Variants in TPTE observed in about 807,000 individuals in gnomAD.
The protein encoded by TPTE is transmembrane phosphatase with tensin homology.
TPTE carries 59 observed loss-of-function variants against 84.1 expected under a neutral mutation model. The ratio of observed to expected loss-of-function variants is 0.70; its 90% CI spans 0.57 to 0.87. TPTE has a LOEUF of 0.87. Ranked by LOEUF, TPTE falls within the 40% of genes least tolerant of loss-of-function variation. The pLI, the probability that TPTE is intolerant of heterozygous loss-of-function variation, is 0.00. For synonymous variants in TPTE, 130 were observed against 223.5 expected, an observed-to-expected ratio of 0.58 and a Z score of 3.73; for missense variants, 382 against 659.6, an observed-to-expected ratio of 0.58 and a Z score of 4.61.
At chr21:10,566,436 G>T (rs2074922891) in intron 10 of TPTE, among the ~76,000 whole-genome samples, 1 of 152,304 alleles carries the variant, frequency 6.6e-6, no homozygotes, top group African/African-American at 2.4e-5. Flanking sequence ...ACCAATTGGA[G>T]AACAGTTTGG....
chr21:10,546,575 C>T (rs943050749), intron 7 of TPTE, among the ~76,000 whole-genome samples: 7 of 152,306 alleles, frequency 4.6e-5, no homozygotes, highest in Admixed American at 2.0e-4. Context: ...CAAAACAAAA[C>T]AGAAAAGTCA....
rs1221084875 is a variant in TPTE, at chr21:10,603,613, TC to T, written c.1502del (p.Ser501PhefsTer41). ...CTCATTTTACTTCTGGTTGCACACA[TC>T]TTTTATTGAAAATAACAGGTATGAA... ...NCSFYFWLHT[S>X]FIENNRLYLP... On this transcript the variant is annotated frameshift_variant, in exon 23 of 24. Transcript: ENST00000618007. LOFTEE classifies it high-confidence loss of function. The T allele has an allele frequency of 4.3e-6, 7 of 1,612,282 alleles. No homozygotes were observed. The highest frequency in any genetic ancestry group is 1.6e-4 in the Middle Eastern group (1 of 6,066).
chr21:10,585,711 G>A (rs546372425), intron 17 of TPTE, among the ~76,000 whole-genome samples: 5 of 152,416 alleles, frequency 3.3e-5, no homozygotes, highest in Non-Finnish European at 5.9e-5. Flanking sequence ...ACCAGTGAAC[G>A]CACATTGGCC....
chr21:10,540,184 C>G (rs1396068727), intron 4 of TPTE, among the ~76,000 whole-genome samples: 1 of 152,308 alleles, frequency 6.6e-6, no homozygotes, highest in East Asian at 1.9e-4. Context: ...AGTAGGCTGG[C>G]CAATGCACCA....
At chr21:10,544,347 A>G (rs1253512492) in intron 7 of TPTE, among the ~76,000 whole-genome samples, 2 of 152,310 alleles carry the variant, frequency 1.3e-5, no homozygotes, top group East Asian at 3.8e-4. Flanking sequence ...AATTTATTTT[A>G]TAGGACGTTG....
intron 8 of TPTE, among the ~76,000 whole-genome samples, chr21:10,554,824 G>A (rs1006800255): frequency 6.6e-6 from 1 of 152,312 alleles, no homozygotes; most frequent in African/African-American, 2.4e-5. Context: ...GGTATAAAGT[G>A]TAGAAATTTA....
intron 10 of TPTE, among the ~76,000 whole-genome samples, chr21:10,564,241 G>A (rs574253472): frequency 9.8e-5 from 15 of 152,422 alleles, no homozygotes; most frequent in Admixed American, 4.6e-4. Flanking sequence ...TGGAAGTGGT[G>A]GCTCACTCCC....
intron 9 of TPTE, among the ~76,000 whole-genome samples, 175 bp downstream of exon 9, chr21:10,559,719 C>A (rs1181996685): frequency 9.8e-5 from 15 of 152,378 alleles, no homozygotes; most frequent in Non-Finnish European, 1.3e-4. Context: ...ACTAAAAATA[C>A]AAAAATTAGC....
At chr21:10,540,906 G>C (rs1385568274) in intron 4 of TPTE, among the ~76,000 whole-genome samples, 1 of 152,302 alleles carries the variant, frequency 6.6e-6, no homozygotes, top group East Asian at 1.9e-4. Flanking sequence ...CATCGCTATG[G>C]TCACAGCCTA....
intron 10 of TPTE, among the ~76,000 whole-genome samples, chr21:10,562,188 T>C (rs2074820693): frequency 2.0e-5 from 3 of 152,308 alleles, no homozygotes; most frequent in Non-Finnish European, 4.4e-5. Context: ...AGGCTTGGGG[T>C]GCCCCCTAAA....
At chr21:10,591,128 C>T (rs1314340501) in intron 18 of TPTE, among the ~76,000 whole-genome samples, 3 of 152,296 alleles carry the variant, frequency 2.0e-5, no homozygotes, top group Non-Finnish European at 2.9e-5. Flanking sequence ...AAAGCCTCTC[C>T]TGAATGTAAA....
At chr21:10,584,138 C>G (rs2075318979) in intron 17 of TPTE, among the ~76,000 whole-genome samples, 1 of 152,308 alleles carries the variant, frequency 6.6e-6, no homozygotes, top group Admixed American at 6.5e-5. Context: ...GTTAGGTCCT[C>G]TTCAATTTCT....
At chr21:10,545,762 G>A (rs1330327680) in intron 7 of TPTE, among the ~76,000 whole-genome samples, 1 of 151,662 alleles carries the variant, frequency 6.6e-6, no homozygotes, top group Non-Finnish European at 1.5e-5. Flanking sequence ...TATAGATATA[G>A]ATACACATAT....
At chr21:10,545,693 A>G (rs1168749779) in intron 7 of TPTE, among the ~76,000 whole-genome samples, 1 of 152,178 alleles carries the variant, frequency 6.6e-6, no homozygotes, top group South Asian at 2.1e-4. Flanking sequence ...ATATATACAG[A>G]TATATCTTTT....
At chr21:10,532,166 G>A (rs2074190075) in intron 3 of TPTE, among the ~76,000 whole-genome samples, 1 of 152,300 alleles carries the variant, frequency 6.6e-6, no homozygotes, top group Non-Finnish European at 1.5e-5. Flanking sequence ...GAGAGGGAAG[G>A]GCTTTAAATA....
intron 7 of TPTE, among the ~76,000 whole-genome samples, chr21:10,545,142 T>C (rs1166625712): frequency 6.6e-6 from 1 of 152,306 alleles, no homozygotes; most frequent in East Asian, 1.9e-4. Flanking sequence ...TATTACCTCA[T>C]TGAATTAAAA....
intron 19 of TPTE, among the ~76,000 whole-genome samples, chr21:10,592,594 AT>A (rs1242397651): frequency 6.6e-6 from 1 of 152,306 alleles, no homozygotes; most frequent in Non-Finnish European, 1.5e-5. Context: ...CCTGCTTTCT[AT>A]TCTATACTGG....
intron 1 of TPTE, among the ~76,000 whole-genome samples, chr21:10,522,217 T>G (rs1185729715): frequency 6.6e-6 from 1 of 152,296 alleles, no homozygotes; most frequent in East Asian, 1.9e-4. Context: ...CCTCCCCAGC[T>G]GGCTCCTGCG....
chr21:10,562,184 G>T (rs1465193625), intron 10 of TPTE, among the ~76,000 whole-genome samples: 1 of 152,310 alleles, frequency 6.6e-6, no homozygotes, highest in African/African-American at 2.4e-5. Flanking sequence ...TAGGAGGCTT[G>T]GGGTGCCCCC....
Sources: gnomAD v4.1 joint callset for allele counts (sites outside exome capture counted in the v4.1 genomes callset) on GRCh38, gnomAD v4.1.1 for gene constraint, MANE v1.5 for transcripts, NCBI Gene and HGNC (gene_info 2026-07-23, HGNC 2026-07-21) for gene names.